CEP72: variants seen among roughly 807,000 people sequenced by gnomAD.
The protein encoded by CEP72 is centrosomal protein 72, also known as centrosomal protein of 72 kDa.
A neutral mutation model predicts 65.7 loss-of-function variants in CEP72; 78 were observed. The ratio of observed to expected loss-of-function variants is 1.19; its 90% CI spans 0.99 to 1.43. The LOEUF (loss-of-function observed/expected upper bound fraction) is 1.43, where lower values mean the gene tolerates loss of function less well. CEP72 is among the 40% of genes most tolerant of loss of function. CEP72 has a pLI of 0.00. For missense variants in CEP72, 914 were observed against 832.9 expected (o/e 1.10, Z -1.20); for synonymous variants, 358 against 351.7 (o/e 1.02, Z -0.20).
intron 4 of CEP72, among the ~76,000 whole-genome samples, chr5:626,102 C>T (rs1736744019): frequency 6.6e-6 from 1 of 152,218 alleles, no homozygotes; most frequent in South Asian, 2.1e-4. Context: ...TGCACCCTGG[C>T]TGTCATCACT....
intron 6 of CEP72, among the ~76,000 whole-genome samples, chr5:636,824 A>G (rs1002999770): frequency 7.9e-5 from 12 of 151,834 alleles, no homozygotes; most frequent in African/African-American, 2.2e-4. Flanking sequence ...AAAAAAAAAA[A>G]AAAGAAAAAG....
In CEP72 at chr5:647,927, G is replaced by T; in HGVS notation, c.1778+11G>T. ...GCAGGAGAGCCACAGGTGCCTGCCC[G>T]TGAGACTTGGGTGGGCCCCCGAGGG... On this transcript the variant is annotated intron_variant, in intron 11 of 11. Coordinates refer to ENST00000264935, the MANE Select transcript of CEP72 (RefSeq NM_018140.4). 6.3e-7 allele frequency: 1 copy of T among 1,597,006 alleles called. No homozygotes were observed. Among genetic ancestry groups the T allele is most frequent in the Non-Finnish European group, 8.6e-7 (1 of 1,167,936 alleles).
At chr5:622,476 G>A (rs752220463) in intron 3 of CEP72, among the ~76,000 whole-genome samples, 54 of 152,362 alleles carry the variant, frequency 3.5e-4, no homozygotes, top group Middle Eastern at 3.4e-3. Context: ...CACTCAGGGC[G>A]TCTGTGTGGC....
In CEP72 at chr5:652,889, T is replaced by C. The variant is rs1580048122; in HGVS notation, c.1779-99T>C. On this transcript the variant is annotated intron_variant, in intron 11 of 11. Transcript: ENST00000264935. ...GGTCTGTGTGCAGGGCCAGGGCACC[T>C]TCGTGCCCATGCAGGGAGGTGGGCA... 5.3e-6 allele frequency: 7 copies of C among 1,323,562 alleles called. No individual in the cohort carries two copies. In the East Asian group the frequency reaches 1.8e-4, roughly 35 times the overall value. 82.0% of individuals were successfully genotyped at this position (1,323,562 alleles called of 1,614,324 possible).
downstream of CEP72, among the ~76,000 whole-genome samples, chr5:669,283 G>A (rs995954963): frequency 5.3e-5 from 4 of 74,912 alleles, no homozygotes; most frequent in East Asian, 5.0e-4. Flanking sequence ...TGGTGAGCCC[G>A]GTGAGCCGGA....
At chr5:672,564 C>A in the CEP72 span, among the ~76,000 whole-genome samples, 1 of 152,248 alleles carries the variant, frequency 6.6e-6, no homozygotes, top group Non-Finnish European at 1.5e-5. Context: ...GTGAGCAAGG[C>A]TGGCAGACCC....
rs1025442829 is a variant in CEP72, at chr5:620,167, C to T, written c.309C>T (p.Leu103=). ...EVFRLHALTE[L]VDVDFRLNPV... is the part of the protein sequence containing the mutation. ...TTCGGCTCCACGCCTTAACCGAGCT[C>T]GTGGATGTGGACTTCCGGCTGAACC... The change falls in exon 3 of 12, where the codon CTC becomes CTT. Residue 103 remains leucine, a synonymous_variant. Coordinates refer to ENST00000264935, the MANE Select transcript of CEP72 (RefSeq NM_018140.4). The T allele has an allele frequency of 5.0e-6, 8 of 1,614,186 alleles. No homozygotes were observed. Among genetic ancestry groups the T allele is most frequent in the African/African-American group, 4.0e-5 (3 of 75,048 alleles).
intron 8 of CEP72, among the ~76,000 whole-genome samples, chr5:640,175 G>C (rs1737909291): frequency 6.6e-6 from 1 of 152,186 alleles, no homozygotes; most frequent in Non-Finnish European, 1.5e-5. Context: ...GGCGGCCCCT[G>C]GTTGCCCCTT....
downstream of CEP72, among the ~76,000 whole-genome samples, chr5:668,132 T>G (rs374428469): frequency 7.2e-4 from 66 of 92,014 alleles, no homozygotes; most frequent in Admixed American, 1.2e-3. Context: ...CGGAGAGGGG[T>G]CCGCGTGGGC....
In CEP72 at chr5:645,901, CTG is replaced by C. The variant is rs1403178647; in HGVS notation, c.1666+1481_1666+1482del. On this transcript the variant is annotated intron_variant, in intron 10 of 11. Transcript: ENST00000264935. This position sits in a 1 kb window ranked among gnomAD's most constrained non-coding sequence, Gnocchi z 4.0. ...CGTCACTCCTGCTCCCGTCGGCGGC[CTG>C]TGTGGACGGTGAATTCGGCTTCGTT... is the stretch of plus-strand genomic sequence containing the variant. 2.6e-5 allele frequency among the ~76,000 whole-genome samples: 4 copies of C among 152,204 alleles called. No homozygotes were observed. Among genetic ancestry groups the C allele is most frequent in the Admixed American group, 1.3e-4 (2 of 15,284 alleles).
chr5:659,035 CT>C (rs565106285), downstream of CEP72, among the ~76,000 whole-genome samples: 24 of 152,346 alleles, frequency 1.6e-4, no homozygotes, highest in African/African-American at 5.8e-4. Flanking sequence ...GCTGTTTGTT[CT>C]ATTCATGGTT....
chr5:640,035 TCCCAGG>T (rs1023558915), intron 8 of CEP72, among the ~76,000 whole-genome samples: 3 of 152,306 alleles, frequency 2.0e-5, no homozygotes, highest in Non-Finnish European at 2.9e-5. Flanking sequence ...GGGGGGACTG[TCCCAGG>T]CCCAGGCCAC....
At chr5:671,114 A>C (rs1327310491), downstream of CEP72, among the ~76,000 whole-genome samples, 1 of 152,160 alleles carries the variant, frequency 6.6e-6, no homozygotes, top group Non-Finnish European at 1.5e-5. Context: ...TGAGCTCCGG[A>C]GGTCTGGCTA....
chr5:645,898 G>A lies in CEP72; in HGVS notation c.1666+1473G>A, dbSNP rs762543270. On this transcript the variant is annotated intron_variant, in intron 10 of 11. Coordinates refer to ENST00000264935, the MANE Select transcript of CEP72 (RefSeq NM_018140.4). This position sits in a 1 kb window ranked among gnomAD's most constrained non-coding sequence, Gnocchi z 4.0. ...GAGCGTCACTCCTGCTCCCGTCGGC[G>A]GCCTGTGTGGACGGTGAATTCGGCT... Among the ~76,000 whole-genome samples, 18 of 152,330 alleles carry A rather than the reference G, an allele frequency of 1.2e-4. No individual in the cohort carries two copies. Among genetic ancestry groups the A allele is most frequent in the African/African-American group, 4.3e-4 (18 of 41,564 alleles).
chr5:669,139 C>A (rs1364262113), downstream of CEP72, among the ~76,000 whole-genome samples: 3 of 152,222 alleles, frequency 2.0e-5, no homozygotes, highest in Admixed American at 2.0e-4. Context: ...GGAGGCCTCG[C>A]TGTGTCCGGA....
rs550459876 is a variant in CEP72 at position 644,181 on chromosome 5, C to T, written c.1540-118C>T. 25 of 1,140,114 alleles carry T rather than the reference C, an allele frequency of 2.2e-5. No homozygotes were observed. In the Admixed American group the frequency reaches 3.2e-4, roughly 15 times the overall value. 70.6% of individuals were successfully genotyped at this position (1,140,114 alleles called of 1,614,324 possible). A position where few individuals can be genotyped will look rare whatever the true frequency, so the allele number is the denominator to read the frequency against. ...GAAACTGAATTACTGCCTTTCACAT[C>T]GTGACTCCCAAGTATGCAGAAGGAA... On this transcript the variant is annotated intron_variant, in intron 9 of 11. Transcript: ENST00000264935.
intron 8 of CEP72, 81 bp downstream of exon 8, chr5:639,305 G>A: frequency 6.8e-7 from 1 of 1,465,248 alleles, no homozygotes. Context: ...GGTGACCTAG[G>A]AGTCATCTCA....
intron 11 of CEP72, 88 bp from the exon 12 acceptor site, chr5:652,900 G>C: frequency 7.2e-7 from 1 of 1,390,408 alleles, no homozygotes; most frequent in South Asian, 1.5e-5. Context: ...TCGTGCCCAT[G>C]CAGGGAGGTG....
At chr5:671,207 A>G (rs1385423866), downstream of CEP72, among the ~76,000 whole-genome samples, 1 of 138,700 alleles carries the variant, frequency 7.2e-6, no homozygotes, top group Non-Finnish European at 1.5e-5. Flanking sequence ...CTTGCTGCTA[A>G]TTAATTTTGC....
Sources: allele counts gnomAD v4.1 joint callset (sites outside exome capture counted in the v4.1 genomes callset), GRCh38; gene constraint gnomAD v4.1.1; non-coding constraint Gnocchi (gnomAD v3.1); transcripts MANE v1.5; gene names NCBI Gene and HGNC (gene_info 2026-07-23, HGNC 2026-07-21).